CCDC170: variants seen among roughly 807,000 people sequenced by gnomAD.
CCDC170 encodes the protein coiled-coil domain-containing protein 170.
In CCDC170, 69 loss-of-function variants were observed where a neutral mutation model predicts 72.6. That is an observed-to-expected ratio of 0.95 (90% CI 0.78 to 1.16). The LOEUF (loss-of-function observed/expected upper bound fraction) is 1.16, where lower values mean the gene tolerates loss of function less well. Ranked by LOEUF, CCDC170 falls within the 50% of genes most tolerant of loss-of-function variation. CCDC170 has a pLI of 0.00. For synonymous variants in CCDC170, 300 were observed against 303.9 expected, an observed-to-expected ratio of 0.99 and a Z score of 0.13; for missense variants, 852 against 832.5, an observed-to-expected ratio of 1.02 and a Z score of -0.29.
At chr6:151,504,202 A>G (rs75605092) in intron 1 of CCDC170, among the ~76,000 whole-genome samples, 2 of 152,208 alleles carry the variant, frequency 1.3e-5, no homozygotes, top group Non-Finnish European at 2.9e-5. Context: ...GAATACATCA[A>G]ATGTAGCACA....
In CCDC170 at chr6:151,542,819, A is replaced by G. The variant is rs1259890221; in HGVS notation, c.444-1753A>G. The stretch of plus-strand genomic sequence containing the variant: ...TCTTGGGGTTAATGTATGGAATCCT[A>G]TATGTATATCAATCAGCACCATACA... On this transcript the variant is annotated intron_variant, in intron 3 of 10. Coordinates refer to ENST00000239374, the MANE Select transcript of CCDC170 (RefSeq NM_025059.4). 3.9e-5 allele frequency among the ~76,000 whole-genome samples: 6 copies of G among 152,314 alleles called. No homozygotes were observed. The East Asian group carries it at 9.6e-4, about 24-fold the overall frequency.
chr6:151,533,013 T>C (rs1299186582), intron 1 of CCDC170, among the ~76,000 whole-genome samples: 3 of 151,960 alleles, frequency 2.0e-5, no homozygotes, highest in African/African-American at 4.8e-5. Flanking sequence ...ATTTGAATGA[T>C]GTGGGCAGCT....
chr6:151,594,037 C>A (rs1426213000), intron 8 of CCDC170, among the ~76,000 whole-genome samples: 1 of 152,162 alleles, frequency 6.6e-6, no homozygotes, highest in Admixed American at 6.5e-5. Context: ...GAAGGGCTTA[C>A]TTTTCTTCAC....
intron 3 of CCDC170, among the ~76,000 whole-genome samples, chr6:151,538,907 C>A (rs951903504): frequency 4.6e-5 from 7 of 152,054 alleles, no homozygotes; most frequent in African/African-American, 1.7e-4. Flanking sequence ...AAAAAAATAA[C>A]CCAATACTTC....
intron 1 of CCDC170, among the ~76,000 whole-genome samples, chr6:151,516,393 A>G (rs1782236237): frequency 6.6e-6 from 1 of 152,138 alleles, no homozygotes; most frequent in African/African-American, 2.4e-5. Context: ...TTAGAATGTT[A>G]TTTTTAGTTG....
chr6:151,541,192 A>G (rs1256733465), intron 3 of CCDC170, among the ~76,000 whole-genome samples: 1 of 152,156 alleles, frequency 6.6e-6, no homozygotes, highest in African/African-American at 2.4e-5. Context: ...CTTCATTCAG[A>G]TGGCACTTTC....
rs193255953 is a variant in CCDC170, at chr6:151,503,594, A to G, written c.57+9409A>G. Among the ~76,000 whole-genome samples the G allele has an allele frequency of 2.2e-4, 33 of 152,182 alleles. No homozygotes were observed. The East Asian group carries it at 6.2e-3, about 29-fold the overall frequency. Reference sequence around the variant, plus strand: ...CAGCCTCCCGAGTAGCTGGGGTTACAGGCATGCACCACCACGCCCAGCAAA... The same window carrying G: ...CAGCCTCCCGAGTAGCTGGGGTTACGGGCATGCACCACCACGCCCAGCAAA... On this transcript the variant is annotated intron_variant, in intron 1 of 10. Coordinates refer to ENST00000239374, the MANE Select transcript of CCDC170 (RefSeq NM_025059.4).
intron 7 of CCDC170, among the ~76,000 whole-genome samples, chr6:151,592,376 TAAAC>T (rs1176357528): frequency 3.3e-5 from 5 of 151,478 alleles, no homozygotes; most frequent in Admixed American, 6.6e-5. Context: ...AATAAATAAA[TAAAC>T]AAATAAATAA....
intron 5 of CCDC170, among the ~76,000 whole-genome samples, chr6:151,552,779 C>CTT (rs71014597): frequency 4.1e-4 from 23 of 56,762 alleles, no homozygotes; most frequent in African/African-American, 8.7e-4. Flanking sequence ...TCAGCCAATT[C>CTT]TTTTTTTTTT....
intron 5 of CCDC170, among the ~76,000 whole-genome samples, chr6:151,556,012 G>A (rs1399657142): frequency 6.6e-6 from 1 of 152,240 alleles, no homozygotes; most frequent in Non-Finnish European, 1.5e-5. Flanking sequence ...TTGGGAGGCT[G>A]AGGCTGGCAG....
intron 1 of CCDC170, among the ~76,000 whole-genome samples, chr6:151,535,741 T>C (rs1782564922): frequency 6.6e-6 from 1 of 151,972 alleles, no homozygotes; most frequent in East Asian, 1.9e-4. Context: ...AGGAAAATCT[T>C]TTTTTGTTTT....
intron 1 of CCDC170, among the ~76,000 whole-genome samples, chr6:151,521,963 G>A (rs1782322696): frequency 6.8e-6 from 1 of 147,768 alleles, no homozygotes; most frequent in Non-Finnish European, 1.5e-5. Context: ...TCCAGCCTGG[G>A]TGACTGAGCG....
intron 3 of CCDC170, among the ~76,000 whole-genome samples, chr6:151,544,333 C>T (rs942913180): frequency 4.6e-5 from 7 of 152,106 alleles, no homozygotes; most frequent in African/African-American, 1.7e-4. Flanking sequence ...GTCCACAATG[C>T]CTTGAAGATT....
chr6:151,500,523 A>G (rs1287930537), intron 1 of CCDC170, among the ~76,000 whole-genome samples: 3 of 152,026 alleles, frequency 2.0e-5, no homozygotes, highest in African/African-American at 7.2e-5. Flanking sequence ...CTAAATATAT[A>G]CTATTTATGA....
At chr6:151,527,022 C>A (rs1009844412) in intron 1 of CCDC170, among the ~76,000 whole-genome samples, 2 of 146,400 alleles carry the variant, frequency 1.4e-5, no homozygotes, top group African/African-American at 5.1e-5. Context: ...GTAGCTGGGA[C>A]TAGAGGTGTG....
At chr6:151,497,952 C>CAAAAAAAAAAAAAAA (rs59201906) in intron 1 of CCDC170, among the ~76,000 whole-genome samples, 1 of 58,044 alleles carries the variant, frequency 1.7e-5, no homozygotes, top group Non-Finnish European at 3.4e-5. Context: ...CACACCATCT[C>CAAAAAAAAAAAAAAA]AAAAAAAAAA....
intron 1 of CCDC170, among the ~76,000 whole-genome samples, chr6:151,504,536 C>G (rs921515622): frequency 3.3e-5 from 5 of 151,680 alleles, no homozygotes; most frequent in Admixed American, 2.0e-4. Context: ...AGGCAAGCAT[C>G]ACTAGAGTAA....
At chr6:151,501,380 G>A (rs1340462035) in intron 1 of CCDC170, among the ~76,000 whole-genome samples, 2 of 152,190 alleles carry the variant, frequency 1.3e-5, no homozygotes, top group South Asian at 4.1e-4. Flanking sequence ...TTGTAACAAT[G>A]TCAATGTCTT....
chr6:151,507,048 CCTGA>C (rs1782076055), intron 1 of CCDC170, among the ~76,000 whole-genome samples: 1 of 152,160 alleles, frequency 6.6e-6, no homozygotes, highest in African/African-American at 2.4e-5. Flanking sequence ...TCTGGAGAAT[CCTGA>C]CTAATACACA....
Sources: allele counts gnomAD v4.1 joint callset (sites outside exome capture counted in the v4.1 genomes callset), GRCh38; gene constraint gnomAD v4.1.1; transcripts MANE v1.5; gene names NCBI Gene and HGNC (gene_info 2026-07-23, HGNC 2026-07-21).